Variants in IGF2R observed in about 807,000 individuals in gnomAD.
The protein encoded by IGF2R is insulin like growth factor 2 receptor.
Under a neutral mutation model 270.6 loss-of-function variants are expected in IGF2R, and 91 were observed. That is an observed-to-expected ratio of 0.34 (90% CI 0.28 to 0.40). The LOEUF is 0.40. Among genes scored for constraint, IGF2R ranks in the 10% least tolerant of loss-of-function variants. The pLI is 1.00. For missense variants in IGF2R, 2,805 were observed against 3,188.3 expected, an observed-to-expected ratio of 0.88 and a Z score of 2.90; for synonymous variants, 1,316 against 1,258.9, an observed-to-expected ratio of 1.05 and a Z score of -0.96.
Position 160,089,188 on chromosome 6 carries a change from G to A in IGF2R, c.6402G>A (p.Met2134Ile), listed in dbSNP as rs1398324422. ...CCGTGAAGCCTCAGGAGGTGCAGAT[G>A]GTGAATGGGACCATCACCAACCCTA... ...ACAVKPQEVQ[M>I]VNGTITNPIN... is the part of the protein sequence containing the mutation. The change falls in exon 43 of 48, where the codon ATG becomes ATA. Residue 2134 changes from methionine (M) to isoleucine (I), a missense_variant. This residue lies in a region of IGF2R where 1,851 missense variants were observed against 2,207.2 expected (regional missense o/e 0.84). Transcript: ENST00000356956. 3 of 1,613,882 alleles carry A rather than the reference G, an allele frequency of 1.9e-6. No individual in the cohort carries two copies. In the South Asian group the frequency reaches 3.3e-5, roughly 18 times the overall value.
In IGF2R at chr6:160,058,820, T is replaced by G. The variant is rs1411672939; in HGVS notation, c.2899-86T>G. The G allele has an allele frequency of 2.6e-6, 3 of 1,152,234 alleles. No homozygotes were observed. The African/African-American group carries it at 4.6e-5, about 18-fold the overall frequency. 71.4% of individuals were successfully genotyped at this position (1,152,234 alleles called of 1,614,324 possible). On this transcript the variant is annotated intron_variant, in intron 21 of 47. Coordinates refer to ENST00000356956, the MANE Select transcript of IGF2R (RefSeq NM_000876.4). The stretch of plus-strand genomic sequence containing the variant: ...AACAAATAAGAAATGTTTAACCTAG[T>G]GGGATTTGGAGTTGCTAGGGTTCTT...
intron 4 of IGF2R, among the ~76,000 whole-genome samples, chr6:160,015,695 T>C (rs926923767): frequency 1.3e-5 from 2 of 152,142 alleles, no homozygotes; most frequent in Non-Finnish European, 2.9e-5. Flanking sequence ...GACCCTGATA[T>C]AGTTTGGATT....
At position 160,073,815 on chromosome 6, in the gene IGF2R, G is replaced by T; in HGVS notation, c.5006G>T (p.Arg1669Leu). 1.9e-6 allele frequency: 3 copies of T among 1,614,014 alleles called. No individual in the cohort carries two copies. Among genetic ancestry groups the T allele is most frequent in the South Asian group, 1.1e-5 (1 of 91,082 alleles). Residue 1669 changes from arginine (R) to leucine (L), a missense_variant, in exon 35 of 48, where the codon CGC (arginine) becomes CTC (leucine). Arg to Leu is a moderately radical substitution (Grantham distance 102). Coordinates refer to ENST00000356956, the MANE Select transcript of IGF2R (RefSeq NM_000876.4). ...GTTGACTTGTCTCCCCTTATTCATC[G>T]CACTGGTGGTTATGAGGCTTATGAT... ...SIVDLSPLIH[R>L]TGGYEAYDES...
chr6:160,022,416 C>G (rs1244433887), intron 4 of IGF2R, among the ~76,000 whole-genome samples: 1 of 152,112 alleles, frequency 6.6e-6, no homozygotes, highest in Non-Finnish European at 1.5e-5. Flanking sequence ...AAGAGGCACC[C>G]CCTTAAAGCT....
At chr6:160,094,554 T>C (rs1015766414) in intron 44 of IGF2R, 28 of 153,656 alleles carry the variant, frequency 1.8e-4, no homozygotes, top group African/African-American at 6.7e-4. Flanking sequence ...TATTTCTGAC[T>C]TGGCTCGATA....
intron 1 of IGF2R, among the ~76,000 whole-genome samples, chr6:159,970,608 G>A (rs1230117471): frequency 1.3e-5 from 2 of 152,166 alleles, no homozygotes; most frequent in South Asian, 2.1e-4. Flanking sequence ...AAGGGGAAGG[G>A]TGGATGGAGG....
intron 4 of IGF2R, among the ~76,000 whole-genome samples, chr6:160,014,191 C>T (rs1300036451): frequency 2.6e-5 from 4 of 152,138 alleles, no homozygotes; most frequent in Non-Finnish European, 5.9e-5. Flanking sequence ...ACTGTAGTGC[C>T]CTTGGGAACA....
At chr6:159,999,716 C>A (rs1254434681) in intron 2 of IGF2R, among the ~76,000 whole-genome samples, 3 of 152,166 alleles carry the variant, frequency 2.0e-5, no homozygotes, top group African/African-American at 7.2e-5. Flanking sequence ...AGATAACTTA[C>A]AACCAAAAAA....
intron 2 of IGF2R, among the ~76,000 whole-genome samples, chr6:159,996,270 G>A (rs1784052297): frequency 6.6e-6 from 1 of 152,184 alleles, no homozygotes; most frequent in Non-Finnish European, 1.5e-5. Context: ...TTTATATTGG[G>A]TTGTGCAGGC....
chr6:160,096,413 C>A, intron 44 of IGF2R, 26 bp from the exon 45 acceptor site: 3 of 1,591,596 alleles, frequency 1.9e-6, no homozygotes, highest in Non-Finnish European at 1.7e-6. Flanking sequence ...TGGTGACATG[C>A]CATGTGTGCC....
At chr6:160,039,631 C>T (rs1258865397) in intron 10 of IGF2R, among the ~76,000 whole-genome samples, 1 of 152,140 alleles carries the variant, frequency 6.6e-6, no homozygotes, top group East Asian at 1.9e-4. Flanking sequence ...TAGATCATTA[C>T]CTAGCTTATG....
chr6:160,072,006 G>A lies in IGF2R; in HGVS notation c.4540G>A (p.Asp1514Asn), dbSNP rs151229775. ...TACPMKSNEH[D>N]DCQVTNPSTG... ...CTGTCCCATGAAGAGCAACGAGCAT[G>A]ATGACTGCCAGGTCACCAACCCAAG... Residue 1514 changes from aspartate (D) to asparagine (N), a missense_variant, in exon 32 of 48, where the codon GAT becomes AAT. By Grantham distance (23) the Asp-to-Asn change is conservative (BLOSUM62 1). Transcript: ENST00000356956. 7.6e-5 allele frequency: 123 copies of A among 1,614,208 alleles called. No homozygotes were observed. The African/African-American group carries it at 1.5e-3, about 19-fold the overall frequency.
chr6:160,074,214 T>C (rs965919595), intron 35 of IGF2R, among the ~76,000 whole-genome samples: 1 of 152,234 alleles, frequency 6.6e-6, no homozygotes, highest in African/African-American at 2.4e-5. Context: ...AATATGTGTG[T>C]AGGGACTCTA....
At position 160,075,805 on chromosome 6, in the gene IGF2R, G is replaced by A. The variant is rs758646763; in HGVS notation, c.5167-42G>A. 6.2e-6 allele frequency: 10 copies of A among 1,600,536 alleles called. No individual in the cohort carries two copies. The South Asian group carries it at 1.1e-4, about 18-fold the overall frequency. On this transcript the variant is annotated intron_variant, in intron 35 of 47. Coordinates refer to ENST00000356956, the MANE Select transcript of IGF2R (RefSeq NM_000876.4). ...CTTAATTCCACTAACCTTGGGAATG[G>A]TTAATTTCCTGAAATACTGTTTGCC... is the stretch of plus-strand genomic sequence containing the variant.
In IGF2R at chr6:160,032,928, T is replaced by G. The variant is rs773710258; in HGVS notation, c.1046-14T>G. 6 of 1,575,172 alleles carry G rather than the reference T, an allele frequency of 3.8e-6. No homozygotes were observed. Among genetic ancestry groups the G allele is most frequent in the Non-Finnish European group, 8.7e-7 (1 of 1,148,108 alleles). ...ATAAAACAAGCCTCTTCTTGTTAATTTCCCTGTTTTTAGGTTCATCCTATA... is the reference window on the plus strand; with the variant it reads ...ATAAAACAAGCCTCTTCTTGTTAATGTCCCTGTTTTTAGGTTCATCCTATA... On this transcript the variant is annotated splice_polypyrimidine_tract_variant and intron_variant, in intron 8 of 47. Coordinates refer to ENST00000356956, the MANE Select transcript of IGF2R (RefSeq NM_000876.4).
chr6:159,976,873 T>G (rs1293498611), intron 1 of IGF2R, among the ~76,000 whole-genome samples: 5 of 152,210 alleles, frequency 3.3e-5, no homozygotes, highest in Admixed American at 2.6e-4. Flanking sequence ...GGGTATTATG[T>G]GTTTGGAAAA....
chr6:160,096,435 A>T lies in IGF2R; in HGVS notation c.6656-4A>T, dbSNP rs774174140. Reference sequence around the variant, plus strand: ...ATGCCATGTGTGCCCTTCCCGTTTGACAGACGGCGATCTCGATGTCGTGTT... The same window carrying T: ...ATGCCATGTGTGCCCTTCCCGTTTGTCAGACGGCGATCTCGATGTCGTGTT... On this transcript the variant is annotated splice_region_variant and splice_polypyrimidine_tract_variant and intron_variant, in intron 44 of 47. Transcript: ENST00000356956. 6.8e-6 allele frequency: 11 copies of T among 1,608,414 alleles called. No individual in the cohort carries two copies. In the South Asian group the frequency reaches 1.2e-4, roughly 18 times the overall value.
At chr6:159,972,985 T>A (rs1783633405) in intron 1 of IGF2R, among the ~76,000 whole-genome samples, 1 of 152,224 alleles carries the variant, frequency 6.6e-6, no homozygotes, top group South Asian at 2.1e-4. Flanking sequence ...ATGATTCTTA[T>A]GCAGGTATTT....
chr6:160,006,674 C>G (rs1319758906), intron 2 of IGF2R: 2 of 152,240 alleles, frequency 1.3e-5, no homozygotes, highest in Admixed American at 1.3e-4. Flanking sequence ...GCCCCTGCCC[C>G]AAGACTTCAG....
Sources: gnomAD v4.1 joint callset for allele counts (sites outside exome capture counted in the v4.1 genomes callset) on GRCh38, gnomAD v4.1.1 for gene constraint, gnomAD v4.1.1 regional missense constraint, MANE v1.5 for transcripts, NCBI Gene and HGNC (gene_info 2026-07-23, HGNC 2026-07-21) for gene names.